The following INSYN2B variants were observed in gnomAD, a reference collection of about 807,000 sequenced individuals.
INSYN2B encodes inhibitory synaptic factor family member 2B.
Under a neutral mutation model 41.2 loss-of-function variants are expected in INSYN2B, and 16 were observed. That is an observed-to-expected ratio of 0.39 (90% CI 0.26 to 0.59). The LOEUF is 0.59. Ranked by LOEUF, INSYN2B falls within the 20% of genes least tolerant of loss-of-function variation. The pLI is 0.57. For missense variants in INSYN2B, 608 were observed against 646.4 expected (o/e 0.94, Z 0.64); for synonymous variants, 245 against 244.4 (o/e 1.00, Z -0.02).
intron 1 of INSYN2B, among the ~76,000 whole-genome samples, chr5:169,886,499 A>T (rs1362916443): frequency 6.6e-6 from 1 of 152,210 alleles, no homozygotes; most frequent in African/African-American, 2.4e-5. Flanking sequence ...GCCTGCCTGG[A>T]TACCTATGAT....
chr5:169,939,090 G>A (rs1375669553), intron 1 of INSYN2B, among the ~76,000 whole-genome samples: 1 of 151,822 alleles, frequency 6.6e-6, no homozygotes, highest in Non-Finnish European at 1.5e-5. Flanking sequence ...ATTTTTAGTA[G>A]AGACGGGGTT....
chr5:169,936,283 G>T (rs1342949281), intron 1 of INSYN2B, among the ~76,000 whole-genome samples: 1 of 152,288 alleles, frequency 6.6e-6, no homozygotes, highest in Middle Eastern at 3.4e-3. Context: ...GTGCTTCAAC[G>T]ACAGAGATGG....
chr5:169,877,634 G>A (rs1483816704), intron 3 of INSYN2B, among the ~76,000 whole-genome samples: 2 of 152,100 alleles, frequency 1.3e-5, no homozygotes, highest in Non-Finnish European at 2.9e-5. Context: ...GGAAATGTCT[G>A]CATGTAGTTG....
At chr5:169,902,036 G>C (rs1028118653) in intron 1 of INSYN2B, among the ~76,000 whole-genome samples, 3 of 152,086 alleles carry the variant, frequency 2.0e-5, no homozygotes, top group African/African-American at 7.2e-5. Context: ...TCAGTCAAAC[G>C]GTTTGTTTCT....
At chr5:169,885,160 A>G (rs983384247) in intron 1 of INSYN2B, among the ~76,000 whole-genome samples, 2 of 152,196 alleles carry the variant, frequency 1.3e-5, no homozygotes, top group Non-Finnish European at 2.9e-5. Flanking sequence ...GACCCATTGT[A>G]CATCCTCGTC....
intron 1 of INSYN2B, among the ~76,000 whole-genome samples, chr5:169,940,570 T>G (rs192461982): frequency 1.5e-4 from 23 of 152,336 alleles, no homozygotes; most frequent in Admixed American, 1.0e-3. Context: ...TTTCTGCAAC[T>G]AGACAGTCCC....
intron 3 of INSYN2B, among the ~76,000 whole-genome samples, chr5:169,865,296 C>T (rs1291817203): frequency 2.0e-5 from 3 of 152,166 alleles, no homozygotes; most frequent in Non-Finnish European, 4.4e-5. Context: ...GAACCTGTCG[C>T]AGAGCAGGGG....
chr5:169,893,363 G>A (rs184794022), intron 1 of INSYN2B, among the ~76,000 whole-genome samples: 15 of 152,204 alleles, frequency 9.9e-5, no homozygotes, highest in Admixed American at 9.2e-4. Flanking sequence ...AGAAGAAAGG[G>A]CATTGGCTTA....
chr5:169,882,292 C>T (rs370887950), intron 2 of INSYN2B, among the ~76,000 whole-genome samples: 1 of 152,280 alleles, frequency 6.6e-6, no homozygotes, highest in East Asian at 1.9e-4. Context: ...TCTTACTGCT[C>T]CATTGCTGCC....
chr5:169,952,896 A>T (rs1241652536), intron 1 of INSYN2B, among the ~76,000 whole-genome samples: 2 of 152,244 alleles, frequency 1.3e-5, no homozygotes, highest in Admixed American at 1.3e-4. Context: ...AGTCTGGGAC[A>T]GTGGAACATA....
chr5:169,930,326 T>TA (rs1413222193), intron 1 of INSYN2B, among the ~76,000 whole-genome samples: 6 of 152,186 alleles, frequency 3.9e-5, no homozygotes, highest in Admixed American at 2.6e-4. Flanking sequence ...GGGTGATGGT[T>TA]AAAGCAGGAC....
intron 1 of INSYN2B, among the ~76,000 whole-genome samples, chr5:169,933,164 C>G (rs554960913): frequency 1.3e-5 from 2 of 152,186 alleles, no homozygotes; most frequent in African/African-American, 4.8e-5. Context: ...AATAATTCAC[C>G]TTTTGGTGTA....
intron 1 of INSYN2B, among the ~76,000 whole-genome samples, chr5:169,886,445 A>G (rs558271213): frequency 6.6e-6 from 1 of 152,236 alleles, no homozygotes; most frequent in Non-Finnish European, 1.5e-5. Flanking sequence ...TCCTCAGTCC[A>G]TGACTAAATC....
Position 169,864,357 on chromosome 5 carries a change from G to A in INSYN2B, c.1524C>T (p.Ser508=), listed in dbSNP as rs928517182. 1.3e-6 allele frequency: 2 copies of A among 1,551,402 alleles called. No individual in the cohort carries two copies. The highest frequency in any genetic ancestry group is 1.7e-6 in the Non-Finnish European group (2 of 1,146,876). The change falls in exon 4 of 4, where the codon TCC becomes TCT. Residue 508 remains serine (S), a synonymous_variant. Coordinates refer to ENST00000377365, the MANE Select transcript of INSYN2B (RefSeq NM_001129891.3). ...PVEEASPPPK[S]PAEPPAPEKQ... ...TTTCCGGGGCTGGGGGTTCTGCTGG[G>A]GACTTTGGTGGGGGCGATGCCTCCT...
At chr5:169,927,684 T>G (rs1156983385) in intron 1 of INSYN2B, among the ~76,000 whole-genome samples, 3 of 152,270 alleles carry the variant, frequency 2.0e-5, no homozygotes, top group African/African-American at 7.2e-5. Flanking sequence ...TGGCACAATC[T>G]TGGCTCACTG....
At chr5:169,928,745 T>C (rs1775600969) in intron 1 of INSYN2B, among the ~76,000 whole-genome samples, 1 of 152,216 alleles carries the variant, frequency 6.6e-6, no homozygotes. Flanking sequence ...AGAACAGTTA[T>C]ACAGGAATGA....
chr5:169,882,542 A>G lies in INSYN2B; in HGVS notation c.1346+11T>C, dbSNP rs1485196633. 2 of 1,520,938 alleles carry G rather than the reference A, an allele frequency of 1.3e-6. No individual in the cohort carries two copies. The highest frequency in any genetic ancestry group is 1.8e-6 in the Non-Finnish European group (2 of 1,128,604). 94.2% of individuals were successfully genotyped at this position (1,520,938 alleles called of 1,614,324 possible). A position where few individuals can be genotyped will look rare whatever the true frequency, so the allele number is the denominator to read the frequency against. The stretch of plus-strand genomic sequence containing the variant: ...CCAGTCATTTTTAATATGAAAAAAA[A>G]ATCTCCTTACCCTTCAGTGAGAGCT... On this transcript the variant is annotated intron_variant, in intron 2 of 3. Transcript: ENST00000377365.
intron 1 of INSYN2B, among the ~76,000 whole-genome samples, chr5:169,904,381 C>A (rs1774150517): frequency 6.6e-6 from 1 of 152,150 alleles, no homozygotes; most frequent in African/African-American, 2.4e-5. Flanking sequence ...GCAACTTGTT[C>A]TCTCTAAATC....
chr5:169,874,649 C>T (rs766838092), intron 3 of INSYN2B, among the ~76,000 whole-genome samples: 2 of 152,040 alleles, frequency 1.3e-5, no homozygotes, highest in Non-Finnish European at 2.9e-5. Context: ...ACCAGAGGGC[C>T]GTTCTTAGCG....
Sources: allele counts gnomAD v4.1 joint callset (sites outside exome capture counted in the v4.1 genomes callset), GRCh38; gene constraint gnomAD v4.1.1; transcripts MANE v1.5; gene names NCBI Gene and HGNC (gene_info 2026-07-23, HGNC 2026-07-21).